Variants in RAB6B observed in about 807,000 individuals in gnomAD.
RAB6B encodes RAB6B, member RAS oncogene family.
Under a neutral mutation model 31.2 loss-of-function variants are expected in RAB6B, and 7 were observed. The ratio of observed to expected loss-of-function variants is 0.22; its 90% CI spans 0.13 to 0.42. RAB6B has a LOEUF of 0.42. Ranked by LOEUF, RAB6B falls within the 10% of genes least tolerant of loss-of-function variation. The pLI is 1.00. For synonymous variants in RAB6B, 105 were observed against 104.9 expected (o/e 1.00, Z -0.01); for missense variants, 149 against 280.6 (o/e 0.53, Z 3.35).
intron 2 of RAB6B, among the ~76,000 whole-genome samples, chr3:133,847,259 C>T (rs1576397218): frequency 1.3e-5 from 2 of 152,212 alleles, no homozygotes; most frequent in South Asian, 2.1e-4. Flanking sequence ...AGATGCTAAG[C>T]GACTTGTCAA....
rs1357489858 is a variant in RAB6B, at chr3:133,828,668, A to T, written c.*120T>A. ...CATCCCACCCTACTCCTAAAGACAG[A>T]GAGAAAAGAAAAATCCTCCCATCTT... is the stretch of plus-strand genomic sequence containing the variant. On this transcript the variant is annotated 3_prime_UTR_variant, in exon 8 of 8. Coordinates refer to ENST00000285208, the MANE Select transcript of RAB6B (RefSeq NM_016577.4). The T allele has an allele frequency of 2.2e-6, 2 of 900,374 alleles. No homozygotes were observed. The highest frequency in any genetic ancestry group is 3.6e-6 in the Non-Finnish European group (2 of 554,234). The allele number at this position is 900,374 out of a possible 1,614,324, so 55.8% of individuals were successfully genotyped here. A position where few individuals can be genotyped will look rare whatever the true frequency, so the allele number is the denominator to read the frequency against.
At chr3:133,836,072 G>A (rs534104780) in intron 6 of RAB6B, among the ~76,000 whole-genome samples, 1 of 152,306 alleles carries the variant, frequency 6.6e-6, no homozygotes, top group African/African-American at 2.4e-5. Context: ...CTGAAGACAG[G>A]GTGAGTCTTA....
At chr3:133,838,325 G>A (rs1935772576) in intron 5 of RAB6B, 66 bp from the exon 6 acceptor site, 2 of 1,447,972 alleles carry the variant, frequency 1.4e-6, no homozygotes, top group African/African-American at 1.4e-5. Context: ...ATATGAGGAG[G>A]GACCCACCCA....
chr3:133,844,493 G>C (rs1214551970), intron 2 of RAB6B, among the ~76,000 whole-genome samples: 1 of 152,218 alleles, frequency 6.6e-6, no homozygotes, highest in Non-Finnish European at 1.5e-5. Context: ...GGGTGTAACT[G>C]AGCCCTCAGC....
intron 2 of RAB6B, among the ~76,000 whole-genome samples, chr3:133,860,397 C>T (rs1183915844): frequency 6.6e-6 from 1 of 152,090 alleles, no homozygotes; most frequent in African/African-American, 2.4e-5. Flanking sequence ...GAGGAAGGCC[C>T]GGAGGCACTG....
At chr3:133,836,299 A>G (rs1336530412) in intron 6 of RAB6B, among the ~76,000 whole-genome samples, 1 of 152,184 alleles carries the variant, frequency 6.6e-6, no homozygotes, top group Admixed American at 6.5e-5. Flanking sequence ...CCTTCATGGC[A>G]TTGGCCCTGG....
At chr3:133,861,725 G>A (rs540225988) in intron 2 of RAB6B, among the ~76,000 whole-genome samples, 1 of 152,354 alleles carries the variant, frequency 6.6e-6, no homozygotes, top group East Asian at 1.9e-4. Context: ...GAACGAGAGG[G>A]GAGTAGTGGG....
intron 7 of RAB6B, among the ~76,000 whole-genome samples, chr3:133,830,632 A>C (rs1935642500): frequency 6.6e-6 from 1 of 152,124 alleles, no homozygotes; most frequent in South Asian, 2.1e-4. Flanking sequence ...TCTCCTGCTG[A>C]GAGCTACCTC....
intron 7 of RAB6B, 84 bp downstream of exon 7, chr3:133,834,491 A>C (rs1559899361): frequency 7.0e-7 from 1 of 1,427,930 alleles, no homozygotes. Context: ...GGACTGGGCG[A>C]GTGTCTGTCC....
chr3:133,881,726 C>T (rs1487089812), intron 1 of RAB6B, among the ~76,000 whole-genome samples: 1 of 152,210 alleles, frequency 6.6e-6, no homozygotes, highest in Non-Finnish European at 1.5e-5. Context: ...AGATCAAGAA[C>T]CAGGGCCTGA....
rs72976391 is a variant in RAB6B at position 133,878,957 on chromosome 3, T to G, written c.71-14315A>C. Among the ~76,000 whole-genome samples the G allele has an allele frequency of 5.2e-3, 787 of 152,300 alleles. 7 individuals carry two copies. The highest frequency in any genetic ancestry group is 0.018 in the African/African-American group (745 of 41,564). ...GCAGAAGGAGCAGGATACCCACACA[T>G]TCACACTTACATCACATGGGGTCAG... On this transcript the variant is annotated intron_variant, in intron 1 of 7. Coordinates refer to ENST00000285208, the MANE Select transcript of RAB6B (RefSeq NM_016577.4).
At chr3:133,869,867 A>G (rs1211332517) in intron 1 of RAB6B, among the ~76,000 whole-genome samples, 2 of 152,212 alleles carry the variant, frequency 1.3e-5, no homozygotes. Flanking sequence ...GCAGACTTCA[A>G]GCCGCCTTCA....
At chr3:133,871,021 C>G (rs915067298) in intron 1 of RAB6B, among the ~76,000 whole-genome samples, 1 of 152,228 alleles carries the variant, frequency 6.6e-6, no homozygotes, top group African/African-American at 2.4e-5. Flanking sequence ...GGGCCCCAGG[C>G]CCCCATCTCA....
At chr3:133,839,123 C>T (rs1024260989) in intron 5 of RAB6B, among the ~76,000 whole-genome samples, 1 of 152,250 alleles carries the variant, frequency 6.6e-6, no homozygotes, top group Non-Finnish European at 1.5e-5. Flanking sequence ...CACATTGGTG[C>T]AGACACTTCA....
intron 1 of RAB6B, among the ~76,000 whole-genome samples, chr3:133,881,508 CAG>C (rs1398200818): frequency 6.6e-6 from 1 of 152,220 alleles, no homozygotes; most frequent in Non-Finnish European, 1.5e-5. Flanking sequence ...CAAGGAGCAG[CAG>C]AGAGTGAACC....
In RAB6B at chr3:133,827,997, G is replaced by C. The variant is rs756861592; in HGVS notation, c.*791C>G. ...ATTGCCAACAGCACCTCGTCCTTCTGATGGCCTCTTGCTCTGCCAGTCCCT... is the reference window on the plus strand; with the variant it reads ...ATTGCCAACAGCACCTCGTCCTTCTCATGGCCTCTTGCTCTGCCAGTCCCT... On this transcript the variant is annotated 3_prime_UTR_variant, in exon 8 of 8. Transcript: ENST00000285208. 2.8e-6 allele frequency: 2 copies of C among 702,826 alleles called. No homozygotes were observed. Among genetic ancestry groups the C allele is most frequent in the South Asian group, 3.0e-5 (2 of 67,600 alleles). The allele number at this position is 702,826 out of a possible 1,614,324, so 43.5% of individuals were successfully genotyped here.
intron 2 of RAB6B, among the ~76,000 whole-genome samples, chr3:133,858,890 T>C (rs1559906624): frequency 6.6e-6 from 1 of 152,206 alleles, no homozygotes; most frequent in Admixed American, 6.5e-5. Context: ...TGGAAATTAA[T>C]CAGATGGAAT....
intron 7 of RAB6B, 84 bp downstream of exon 7, chr3:133,834,491 A>T: frequency 7.0e-7 from 1 of 1,427,930 alleles, no homozygotes; most frequent in Non-Finnish European, 9.9e-7. Flanking sequence ...GGACTGGGCG[A>T]GTGTCTGTCC....
At chr3:133,852,027 A>G (rs1046045080) in intron 2 of RAB6B, among the ~76,000 whole-genome samples, 7 of 152,222 alleles carry the variant, frequency 4.6e-5, no homozygotes, top group Non-Finnish European at 8.8e-5. Flanking sequence ...TTAGATCTAC[A>G]CTGATGGGCA....
Sources: allele counts gnomAD v4.1 joint callset (sites outside exome capture counted in the v4.1 genomes callset), GRCh38; gene constraint gnomAD v4.1.1; transcripts MANE v1.5; gene names NCBI Gene and HGNC (gene_info 2026-07-23, HGNC 2026-07-21).